The following LUC7L3 variants were observed in gnomAD, a reference collection of about 807,000 sequenced individuals.
The protein encoded by LUC7L3 is luc7-like protein 3.
A neutral mutation model predicts 66.8 loss-of-function variants in LUC7L3; 6 were observed. That is an observed-to-expected ratio of 0.09 (90% CI 0.05 to 0.18). LUC7L3 has a LOEUF of 0.18. LUC7L3 is among the 10% of genes least tolerant of loss of function. The pLI, the probability that LUC7L3 is intolerant of heterozygous loss-of-function variation, is 1.00. For synonymous variants in LUC7L3, 160 were observed against 174.7 expected, an observed-to-expected ratio of 0.92 and a Z score of 0.66; for missense variants, 341 against 531.1, an observed-to-expected ratio of 0.64 and a Z score of 3.52.
chr17:50,743,683 T>G, intron 5 of LUC7L3, 23 bp from the exon 6 acceptor site: 2 of 1,446,202 alleles, frequency 1.4e-6, no homozygotes, highest in South Asian at 1.2e-5. Context: ...ATCTTAACTG[T>G]TTTTTTCCCC....
intron 2 of LUC7L3, 31 bp from the exon 3 acceptor site, chr17:50,740,275 A>G: frequency 6.5e-7 from 1 of 1,536,340 alleles, no homozygotes; most frequent in Non-Finnish European, 8.9e-7. Context: ...ATAATCACAG[A>G]TAATTTATAC....
In LUC7L3 at chr17:50,751,705, C is replaced by A; in HGVS notation, c.*1044C>A. ...ACTGTGTAGGAGAATTTGCAGTCAG[C>A]CATAGGTATGTAGGAATAGTCACTC... is the stretch of plus-strand genomic sequence containing the variant. On this transcript the variant is annotated 3_prime_UTR_variant, in exon 10 of 10. Coordinates refer to ENST00000505658, the MANE Select transcript of LUC7L3 (RefSeq NM_016424.5). 9.5e-7 allele frequency: 1 copy of A among 1,052,914 alleles called. No homozygotes were observed. Among genetic ancestry groups the A allele is most frequent in the Non-Finnish European group, 1.2e-6 (1 of 869,082 alleles). The allele number at this position is 1,052,914 out of a possible 1,614,324, so 65.2% of individuals were successfully genotyped here.
intron 1 of LUC7L3, among the ~76,000 whole-genome samples, chr17:50,730,224 A>C (rs1307828286): frequency 1.3e-5 from 2 of 151,928 alleles, no homozygotes; most frequent in South Asian, 2.1e-4. Flanking sequence ...TGCCTGCCTC[A>C]GCCTCCCAAA....
chr17:50,748,266 G>A (rs1196572540), intron 9 of LUC7L3: 1 of 152,116 alleles, frequency 6.6e-6, no homozygotes, highest in African/African-American at 2.4e-5. Flanking sequence ...AAGATGTCCA[G>A]AGTTGCTTAC....
intron 1 of LUC7L3, among the ~76,000 whole-genome samples, chr17:50,727,886 C>T (rs978033937): frequency 3.3e-5 from 5 of 150,840 alleles, no homozygotes; most frequent in African/African-American, 4.9e-5. Flanking sequence ...TGGTGGATCA[C>T]GAGGTCAGGA....
chr17:50,728,041 C>T (rs1220607039), intron 1 of LUC7L3, among the ~76,000 whole-genome samples: 1 of 151,550 alleles, frequency 6.6e-6, no homozygotes, highest in Non-Finnish European at 1.5e-5. Flanking sequence ...TGGCGTGAAC[C>T]CGGGAGGCGG....
intron 1 of LUC7L3, chr17:50,724,093 C>T (rs536020245): frequency 1.5e-5 from 5 of 344,344 alleles, no homozygotes; most frequent in Non-Finnish European, 3.0e-5. Flanking sequence ...TCCCCATGTA[C>T]CCATGCCCAA....
intron 1 of LUC7L3, 77 bp from the exon 2 acceptor site, chr17:50,736,883 A>ATAGT (rs1970019173): frequency 2.4e-6 from 2 of 835,232 alleles, no homozygotes; most frequent in Non-Finnish European, 4.0e-6. Context: ...AAATGAGAAA[A>ATAGT]TAGTTATTTG....
intron 1 of LUC7L3, chr17:50,723,884 C>T (rs1261407894): frequency 6.8e-6 from 3 of 438,340 alleles, no homozygotes; most frequent in Admixed American, 4.8e-5. Flanking sequence ...ATCGGTCCGC[C>T]TCAGTCTCCC....
chr17:50,750,505 G>A lies in LUC7L3; in HGVS notation c.1143G>A (p.Lys381=). Residue 381 remains lysine (K), a synonymous_variant, in exon 10 of 10, where the codon AAG becomes AAA. Coordinates refer to ENST00000505658, the MANE Select transcript of LUC7L3 (RefSeq NM_016424.5). The part of the protein sequence containing the change: ...EQDRKSKEKE[K]RGSDDKKSSV... ...CAATGTCTTCTTTTATGGCAGAAAA[G>A]AGGGGATCTGATGATAAAAAAAGTA... 1 of 1,612,068 alleles carries A rather than the reference G, an allele frequency of 6.2e-7. No individual in the cohort carries two copies. Among genetic ancestry groups the A allele is most frequent in the Middle Eastern group, 1.7e-4 (1 of 6,038 alleles).
At chr17:50,733,681 G>C (rs961686374) in intron 1 of LUC7L3, among the ~76,000 whole-genome samples, 2 of 152,146 alleles carry the variant, frequency 1.3e-5, no homozygotes, top group Non-Finnish European at 2.9e-5. Context: ...GATTACAGGC[G>C]TGCAGCCAGT....
At chr17:50,724,572 A>G (rs1291140378) in intron 1 of LUC7L3, among the ~76,000 whole-genome samples, 1 of 151,282 alleles carries the variant, frequency 6.6e-6, no homozygotes, top group Non-Finnish European at 1.5e-5. Context: ...TGAAAATTAT[A>G]GTAAGGTATT....
chr17:50,741,989 T>C (rs753192211), intron 5 of LUC7L3, among the ~76,000 whole-genome samples: 28 of 152,148 alleles, frequency 1.8e-4, no homozygotes, highest in Non-Finnish European at 3.2e-4. Flanking sequence ...GTTAGGAGAA[T>C]TGCTTAAGCC....
intron 1 of LUC7L3, among the ~76,000 whole-genome samples, chr17:50,729,194 G>A (rs567758606): frequency 3.3e-5 from 5 of 150,086 alleles, no homozygotes; most frequent in African/African-American, 9.7e-5. Context: ...GAATAAAAGC[G>A]AGGTAATTAC....
intron 5 of LUC7L3, 79 bp from the exon 6 acceptor site, chr17:50,743,627 A>G: frequency 1.2e-6 from 1 of 840,314 alleles, no homozygotes; most frequent in Non-Finnish European, 1.9e-6. Flanking sequence ...GAAAACAACC[A>G]CTAATGAACC....
chr17:50,752,035 A>G lies in LUC7L3; in HGVS notation c.*1374A>G, dbSNP rs1027230868. 3 of 1,126,268 alleles carry G rather than the reference A, an allele frequency of 2.7e-6. No individual in the cohort carries two copies. The highest frequency in any genetic ancestry group is 3.3e-6 in the Non-Finnish European group (3 of 910,114). The allele number at this position is 1,126,268 out of a possible 1,614,324, so 69.8% of individuals were successfully genotyped here. On this transcript the variant is annotated 3_prime_UTR_variant, in exon 10 of 10. Transcript: ENST00000505658. ...CACACTTAGGCAAGCATACACAGGCACATGGCTTTAAGAACCACACTGATG... is the reference window on the plus strand; with the variant it reads ...CACACTTAGGCAAGCATACACAGGCGCATGGCTTTAAGAACCACACTGATG...
intron 2 of LUC7L3, among the ~76,000 whole-genome samples, chr17:50,738,841 C>G (rs567958914): frequency 1.3e-5 from 2 of 151,554 alleles, no homozygotes; most frequent in East Asian, 3.9e-4. Flanking sequence ...GTGATCAGGA[C>G]AGTGAATGAA....
chr17:50,741,744 T>C lies in LUC7L3; in HGVS notation c.426+13T>C, dbSNP rs375394627. ...ACTTCTGCAACAGGTGAGAATTGTG[T>C]GCATTAATGTCAGGAAGTAATGTGA... is the stretch of plus-strand genomic sequence containing the variant. On this transcript the variant is annotated intron_variant, in intron 5 of 9. Coordinates refer to ENST00000505658, the MANE Select transcript of LUC7L3 (RefSeq NM_016424.5). The C allele has an allele frequency of 1.1e-4, 179 of 1,597,902 alleles. No individual in the cohort carries two copies. Among genetic ancestry groups the C allele is most frequent in the Non-Finnish European group, 9.6e-5 (112 of 1,166,180 alleles).
intron 1 of LUC7L3, among the ~76,000 whole-genome samples, chr17:50,732,072 A>AAGG (rs1969644743): frequency 6.6e-6 from 1 of 152,188 alleles, no homozygotes; most frequent in Non-Finnish European, 1.5e-5. Context: ...GCCATAGGGA[A>AAGG]AGGGTATCTG....
Sources: gnomAD v4.1 joint callset for allele counts (sites outside exome capture counted in the v4.1 genomes callset) on GRCh38, gnomAD v4.1.1 for gene constraint, MANE v1.5 for transcripts, NCBI Gene and HGNC (gene_info 2026-07-23, HGNC 2026-07-21) for gene names.